CSMD1: variants seen among roughly 807,000 people sequenced by gnomAD.
CSMD1 encodes CUB and sushi domain-containing protein 1.
CSMD1 carries 213 observed loss-of-function variants against 417.5 expected under a neutral mutation model. The ratio of observed to expected loss-of-function variants is 0.51; its 90% CI spans 0.46 to 0.57. CSMD1 has a LOEUF of 0.57. Among genes scored for constraint, CSMD1 ranks in the 20% least tolerant of loss-of-function variants. The pLI is 0.00. For missense variants in CSMD1, 6,923 were observed against 4,529.7 expected (o/e 1.53, Z -15.17); for synonymous variants, 2,862 against 1,736.8 (o/e 1.65, Z -16.11).
At chr8:3,786,438 G>A (rs9644355) in intron 5 of CSMD1, among the ~76,000 whole-genome samples, 3 of 152,170 alleles carry the variant, frequency 2.0e-5, no homozygotes, top group Admixed American at 6.5e-5. Flanking sequence ...ACGAGAGAAA[G>A]CATCTGTAAA....
intron 3 of CSMD1, among the ~76,000 whole-genome samples, chr8:4,160,839 G>T (rs771056252): frequency 6.6e-6 from 1 of 152,200 alleles, no homozygotes; most frequent in African/African-American, 2.4e-5. Flanking sequence ...AAAGGAACTT[G>T]AAGTTTCTAA....
intron 1 of CSMD1, among the ~76,000 whole-genome samples, chr8:4,908,716 C>A (rs1473763007): frequency 4.2e-5 from 2 of 47,898 alleles, no homozygotes; most frequent in Non-Finnish European, 7.9e-5. Context: ...TTCTTCATTT[C>A]TGTCACCATG....
chr8:4,119,914 G>A (rs952274578), intron 3 of CSMD1, among the ~76,000 whole-genome samples: 1 of 151,446 alleles, frequency 6.6e-6, no homozygotes, highest in South Asian at 2.1e-4. Context: ...TAAGGGTAGT[G>A]GGAGGGTGAG....
At position 4,031,807 on chromosome 8, in the gene CSMD1, T is replaced by A. The variant is rs912401322; in HGVS notation, c.610+98A>T. On this transcript the variant is annotated intron_variant, in intron 4 of 69. Coordinates refer to ENST00000635120, the MANE Select transcript of CSMD1 (RefSeq NM_033225.6). ...TGACATTGTAAGAGTCAGCTCAACATGTATTATTTTCATTTAAGTGGAAAC... is the reference window on the plus strand; with the variant it reads ...TGACATTGTAAGAGTCAGCTCAACAAGTATTATTTTCATTTAAGTGGAAAC... 28 of 870,750 alleles carry A rather than the reference T, an allele frequency of 3.2e-5. No homozygotes were observed. The African/African-American group carries it at 4.6e-4, about 14-fold the overall frequency. 53.9% of individuals were successfully genotyped at this position (870,750 alleles called of 1,614,324 possible). A position where few individuals can be genotyped will look rare whatever the true frequency, so the allele number is the denominator to read the frequency against.
intron 3 of CSMD1, among the ~76,000 whole-genome samples, chr8:4,228,598 T>G (rs1214689229): frequency 2.0e-5 from 3 of 151,652 alleles, no homozygotes; most frequent in Non-Finnish European, 4.4e-5. Flanking sequence ...TCTTTTTTTT[T>G]TTTTTTTCCT....
chr8:3,242,106 C>G lies in CSMD1; in HGVS notation c.4154-11875G>C, dbSNP rs543681422. Among the ~76,000 whole-genome samples the G allele has an allele frequency of 3.8e-4, 57 of 148,984 alleles. 2 individuals carry two copies. The South Asian group carries it at 6.6e-3, about 17-fold the overall frequency. On this transcript the variant is annotated intron_variant, in intron 26 of 69. Coordinates refer to ENST00000635120, the MANE Select transcript of CSMD1 (RefSeq NM_033225.6). ...CTGATTTGGGATAAAGAAAAAGGAGCATTAACCTTGACTATGCCTTTAGCT... is the reference window on the plus strand; with the variant it reads ...CTGATTTGGGATAAAGAAAAAGGAGGATTAACCTTGACTATGCCTTTAGCT...
intron 5 of CSMD1, among the ~76,000 whole-genome samples, chr8:3,812,924 CT>C (rs1324519699): frequency 6.6e-6 from 1 of 152,078 alleles, no homozygotes; most frequent in Non-Finnish European, 1.5e-5. Flanking sequence ...GTTTTGTCCT[CT>C]TTGATAACGT....
chr8:3,978,805 G>C (rs572205425), intron 5 of CSMD1, among the ~76,000 whole-genome samples: 2 of 152,082 alleles, frequency 1.3e-5, no homozygotes, highest in Non-Finnish European at 2.9e-5. Flanking sequence ...CCTTTCCGGA[G>C]ACATCGGTGA....
In CSMD1 at chr8:3,503,894, G is replaced by C. The variant is rs562797802; in HGVS notation, c.1345-10168C>G. On this transcript the variant is annotated intron_variant, in intron 10 of 69. Coordinates refer to ENST00000635120, the MANE Select transcript of CSMD1 (RefSeq NM_033225.6). ...GTAGCCACTGTTCAACTCTCGACTT[G>C]GATGAGATCAACTTTTTAAACTTCC... Among the ~76,000 whole-genome samples the C allele has an allele frequency of 2.1e-3, 310 of 144,290 alleles. 1 individual carries two copies. Among genetic ancestry groups the C allele is most frequent in the African/African-American group, 7.6e-3 (296 of 39,172 alleles). 94.7% of individuals were successfully genotyped at this position (144,290 alleles called of 152,430 possible). A position where few individuals can be genotyped will look rare whatever the true frequency, so the allele number is the denominator to read the frequency against.
At chr8:4,930,605 T>A (rs919329199) in intron 1 of CSMD1, among the ~76,000 whole-genome samples, 3 of 152,172 alleles carry the variant, frequency 2.0e-5, no homozygotes, top group African/African-American at 7.2e-5. Flanking sequence ...AGAACACAAT[T>A]ACATTTATCA....
intron 3 of CSMD1, among the ~76,000 whole-genome samples, chr8:4,220,616 A>C (rs1474408349): frequency 6.6e-6 from 1 of 152,200 alleles, no homozygotes; most frequent in East Asian, 1.9e-4. Context: ...GAGAGGAAGG[A>C]CCAGTGGTAT....
At chr8:3,446,661 A>T (rs763107871) in intron 12 of CSMD1, among the ~76,000 whole-genome samples, 3 of 152,332 alleles carry the variant, frequency 2.0e-5, no homozygotes, top group Non-Finnish European at 2.9e-5. Flanking sequence ...TTAGGAAAAA[A>T]ATCTGGTAAA....
At chr8:4,486,682 G>C (rs1416325112) in intron 2 of CSMD1, among the ~76,000 whole-genome samples, 2 of 152,028 alleles carry the variant, frequency 1.3e-5, no homozygotes, top group African/African-American at 4.8e-5. Context: ...TGGCCACTTT[G>C]AATTAAGCAA....
intron 3 of CSMD1, among the ~76,000 whole-genome samples, chr8:4,042,804 G>C (rs896534297): frequency 1.7e-4 from 10 of 59,180 alleles, no homozygotes; most frequent in African/African-American, 5.4e-4. Context: ...AGGTGAAGTG[G>C]TACAACATAT....
chr8:3,873,760 T>A (rs1805636190), intron 5 of CSMD1, among the ~76,000 whole-genome samples: 1 of 151,826 alleles, frequency 6.6e-6, no homozygotes, highest in African/African-American at 2.4e-5. Flanking sequence ...CAGAGAAAAA[T>A]CAGATGGCCT....
chr8:4,306,473 G>A (rs183768152), intron 3 of CSMD1, among the ~76,000 whole-genome samples: 1 of 152,188 alleles, frequency 6.6e-6, no homozygotes, highest in African/African-American at 2.4e-5. Flanking sequence ...TATTGTGAAT[G>A]CCTCAGCAGG....
intron 4 of CSMD1, among the ~76,000 whole-genome samples, chr8:4,021,995 T>A (rs1272878125): frequency 1.3e-5 from 2 of 151,862 alleles, no homozygotes; most frequent in Non-Finnish European, 2.9e-5. Flanking sequence ...TAGTTAGGTC[T>A]GTCTAATTCT....
At chr8:3,751,840 C>T (rs186859223) in intron 6 of CSMD1, among the ~76,000 whole-genome samples, 15 of 152,224 alleles carry the variant, frequency 9.9e-5, no homozygotes, top group Non-Finnish European at 1.9e-4. Flanking sequence ...TTCTTTAATT[C>T]ACTGTTGTTC....
intron 3 of CSMD1, among the ~76,000 whole-genome samples, chr8:4,253,489 A>G (rs1360412548): frequency 6.6e-6 from 1 of 152,186 alleles, no homozygotes; most frequent in Non-Finnish European, 1.5e-5. Flanking sequence ...CTTACTATGC[A>G]CCAGACACTA....
Sources: allele counts gnomAD v4.1 joint callset (sites outside exome capture counted in the v4.1 genomes callset), GRCh38; gene constraint gnomAD v4.1.1; transcripts MANE v1.5; gene names NCBI Gene and HGNC (gene_info 2026-07-23, HGNC 2026-07-21).